Variants in MXD1 observed in about 807,000 individuals in gnomAD.
MXD1 encodes MAX dimerization protein 1.
A neutral mutation model predicts 25.7 loss-of-function variants in MXD1; 9 were observed. That is an observed-to-expected ratio of 0.35 (90% CI 0.21 to 0.61). The LOEUF (loss-of-function observed/expected upper bound fraction) is 0.61, where lower values mean the gene tolerates loss of function less well. Ranked by LOEUF, MXD1 falls within the 20% of genes least tolerant of loss-of-function variation. MXD1 has a pLI of 0.75. For missense variants in MXD1, 227 were observed against 292.4 expected (o/e 0.78, Z 1.63); for synonymous variants, 99 against 113.9 (o/e 0.87, Z 0.83).
At chr2:69,926,724 A>T (rs1677178680) in intron 3 of MXD1, among the ~76,000 whole-genome samples, 1 of 152,202 alleles carries the variant, frequency 6.6e-6, no homozygotes, top group South Asian at 2.1e-4. Context: ...GTTGTTACAT[A>T]CCCTTTATTG....
At chr2:69,929,518 G>C (rs1347471119) in intron 3 of MXD1, among the ~76,000 whole-genome samples, 1 of 152,170 alleles carries the variant, frequency 6.6e-6, no homozygotes, top group Non-Finnish European at 1.5e-5. Flanking sequence ...AGTTAGCCCA[G>C]GTGCTTTCTA....
chr2:69,923,245 A>G (rs1677105183), intron 3 of MXD1, among the ~76,000 whole-genome samples: 1 of 152,152 alleles, frequency 6.6e-6, no homozygotes, highest in African/African-American at 2.4e-5. Context: ...GTATGTTTCA[A>G]AAGCTCCCCA....
chr2:69,917,859 C>T (rs1676990118), intron 2 of MXD1, among the ~76,000 whole-genome samples: 1 of 150,102 alleles, frequency 6.7e-6, no homozygotes, highest in Admixed American at 6.6e-5. Context: ...ACAAATCCTT[C>T]TGTTAATGGG....
chr2:69,917,427 A>T (rs1483706038), intron 2 of MXD1, among the ~76,000 whole-genome samples: 1 of 152,216 alleles, frequency 6.6e-6, no homozygotes, highest in Admixed American at 6.5e-5. Flanking sequence ...TTTAAGAAAG[A>T]TGTTAATACT....
At chr2:69,926,611 G>A (rs889707729) in intron 3 of MXD1, among the ~76,000 whole-genome samples, 1 of 152,192 alleles carries the variant, frequency 6.6e-6, no homozygotes, top group Non-Finnish European at 1.5e-5. Flanking sequence ...TACATGTCCT[G>A]TAAAAGGTAT....
chr2:69,935,498 T>C (rs1355372314), intron 4 of MXD1, 33 bp downstream of exon 4: 7 of 1,439,342 alleles, frequency 4.9e-6, no homozygotes, highest in Non-Finnish European at 4.9e-6. Flanking sequence ...GCTTTATCTT[T>C]ACCTGTTCAG....
Position 69,915,351 on chromosome 2 carries a change from G to T in MXD1, c.21G>T (p.Met7Ile), listed in dbSNP as rs1573397234. 1 of 1,302,538 alleles carries T rather than the reference G, an allele frequency of 7.7e-7. No individual in the cohort carries two copies. Among genetic ancestry groups the T allele is most frequent in the South Asian group, 2.4e-5 (1 of 41,852 alleles). 80.7% of individuals were successfully genotyped at this position (1,302,538 alleles called of 1,614,324 possible). The change falls in exon 1 of 6, where the codon ATG becomes ATT. Residue 7 changes from methionine (M) to isoleucine (I), a missense_variant. Physicochemically the swap from Met to Ile is conservative, Grantham distance 10. Transcript: ENST00000264444. The surrounding 1 kb of genome is among the most constrained non-coding windows in gnomAD (Gnocchi z 5.8). ...GCAGAATGGCGGCGGCGGTTCGGAT[G>T]AACATCCAGATGCTGCTGGAGGCGG... MAAAVR[M>I]NIQMLLEAAD...
chr2:69,929,847 A>G lies in MXD1; in HGVS notation c.204-5504A>G, dbSNP rs369478626. Among the ~76,000 whole-genome samples the G allele has an allele frequency of 3.7e-3, 556 of 152,184 alleles. 4 individuals are homozygous for G. Among genetic ancestry groups the G allele is most frequent in the African/African-American group, 0.011 (459 of 41,518 alleles). On this transcript the variant is annotated intron_variant, in intron 3 of 5. Transcript: ENST00000264444. ...CTTAGGTCTGTTTCTGGGGATTTCTATCCTATTCATTTGATTTGTCTGCCT... is the reference window on the plus strand; with the variant it reads ...CTTAGGTCTGTTTCTGGGGATTTCTGTCCTATTCATTTGATTTGTCTGCCT...
chr2:69,925,348 C>T (rs2104177205), intron 3 of MXD1, among the ~76,000 whole-genome samples: 1 of 151,972 alleles, frequency 6.6e-6, no homozygotes, highest in East Asian at 1.9e-4. Context: ...TTTAAATTGT[C>T]CATAGTTCTA....
intron 3 of MXD1, among the ~76,000 whole-genome samples, chr2:69,926,145 T>C (rs893031050): frequency 2.6e-5 from 4 of 152,210 alleles, no homozygotes; most frequent in African/African-American, 9.7e-5. Context: ...ATGAAAGATA[T>C]TGACACTTTT....
At chr2:69,918,586 G>A (rs948023457) in intron 2 of MXD1, among the ~76,000 whole-genome samples, 4 of 152,196 alleles carry the variant, frequency 2.6e-5, no homozygotes, top group Admixed American at 2.0e-4. Flanking sequence ...TGGCACTCAC[G>A]TGAAAGAGGA....
intron 4 of MXD1, among the ~76,000 whole-genome samples, chr2:69,936,641 T>TG (rs1306803456): frequency 6.6e-6 from 1 of 152,164 alleles, no homozygotes; most frequent in African/African-American, 2.4e-5. Flanking sequence ...TATGAGAAGC[T>TG]GGGGGCAGAT....
intron 3 of MXD1, among the ~76,000 whole-genome samples, chr2:69,929,793 C>G (rs1182494706): frequency 2.0e-5 from 3 of 152,148 alleles, no homozygotes; most frequent in African/African-American, 7.2e-5. Context: ...ATGGTGTTAT[C>G]TCCTTTATGT....
chr2:69,916,447 T>C (rs555666353), intron 2 of MXD1: 1 of 345,014 alleles, frequency 2.9e-6, no homozygotes, highest in South Asian at 5.1e-5. Context: ...ATGAACTTTA[T>C]TCAAAATTTA....
At position 69,941,246 on chromosome 2, in the gene MXD1, A is replaced by AAC. The variant is rs1187038616; in HGVS notation, c.*2963_*2964insCA. ...CTAATTTAATTTCATGCAGTGGGAAAATATATATGTGTGCTTCTGTAACAT... is the reference window on the plus strand; with the variant it reads ...CTAATTTAATTTCATGCAGTGGGAAAACATATATATGTGTGCTTCTGTAACAT... On this transcript the variant is annotated 3_prime_UTR_variant, in exon 6 of 6. Coordinates refer to ENST00000264444, the MANE Select transcript of MXD1 (RefSeq NM_002357.4). 2.6e-5 allele frequency: 4 copies of AAC among 152,336 alleles called. No individual in the cohort carries two copies. The highest frequency in any genetic ancestry group is 5.9e-5 in the Non-Finnish European group (4 of 68,032). The allele number at this position is 152,336 out of a possible 1,614,324, so 9.4% of individuals were successfully genotyped here.
chr2:69,922,837 G>A (rs1342183279), intron 3 of MXD1, among the ~76,000 whole-genome samples: 20 of 145,846 alleles, frequency 1.4e-4, no homozygotes, highest in Non-Finnish European at 2.5e-4. Flanking sequence ...CCGAGATCCC[G>A]CCACTGCACT....
In MXD1 at chr2:69,916,167, C is replaced by G; in HGVS notation, c.120C>G (p.Asp40Glu). ...CCATGTTACCATACAATAACAAGGA[C>G]AGAGATGCCTTAAAACGGAGGAACA... ...YASMLPYNNKDRDALKRRNKS... is the reference protein window; with the variant it reads ...YASMLPYNNKERDALKRRNKS... The change falls in exon 2 of 6, where the codon GAC becomes GAG. Residue 40 changes from aspartate to glutamate, a missense_variant. Asp to Glu is a conservative substitution (Grantham distance 45). Coordinates refer to ENST00000264444, the MANE Select transcript of MXD1 (RefSeq NM_002357.4). 1 of 1,613,284 alleles carries G rather than the reference C, an allele frequency of 6.2e-7. No homozygotes were observed. The highest frequency in any genetic ancestry group is 8.5e-7 in the Non-Finnish European group (1 of 1,179,400).
chr2:69,938,077 C>G lies in MXD1; in HGVS notation c.479-20C>G, dbSNP rs760901042. On this transcript the variant is annotated intron_variant, in intron 5 of 5. Coordinates refer to ENST00000264444, the MANE Select transcript of MXD1 (RefSeq NM_002357.4). ...GCAGAGCGCTTTCATCAATGTCCTT[C>G]TCTCTTGTCCTCCCTGCAGAAGAAA... is the stretch of plus-strand genomic sequence containing the variant. 29 of 1,609,782 alleles carry G rather than the reference C, an allele frequency of 1.8e-5. No individual in the cohort carries two copies. In the Admixed American group the frequency reaches 4.7e-4, roughly 26 times the overall value.
In MXD1 at chr2:69,918,966, C is replaced by T. The variant is rs574675276; in HGVS notation, c.173+2746C>T. Among the ~76,000 whole-genome samples, 17 of 152,240 alleles carry T rather than the reference C, an allele frequency of 1.1e-4. No homozygotes were observed. The South Asian group carries it at 3.1e-3, about 28-fold the overall frequency. ...ACTCAGTTTCAGTAAACTAGATGCACTTCAGTAATGCTCTAGCCATTAAGT... is the reference window on the plus strand; with the variant it reads ...ACTCAGTTTCAGTAAACTAGATGCATTTCAGTAATGCTCTAGCCATTAAGT... On this transcript the variant is annotated intron_variant, in intron 2 of 5. Transcript: ENST00000264444.
Sources: allele counts gnomAD v4.1 joint callset (sites outside exome capture counted in the v4.1 genomes callset), GRCh38; gene constraint gnomAD v4.1.1; non-coding constraint Gnocchi (gnomAD v3.1); transcripts MANE v1.5; gene names NCBI Gene and HGNC (gene_info 2026-07-23, HGNC 2026-07-21).